Variants in CLDN14 observed in about 807,000 individuals in gnomAD.
CLDN14 encodes claudin-14.
CLDN14 carries 2 observed loss-of-function variants against 2.1 expected under a neutral mutation model. The observed-to-expected ratio is 0.96, with a 90% CI of 0.39 to 3.01. The LOEUF (loss-of-function observed/expected upper bound fraction) is 3.01. Among genes scored for constraint, CLDN14 ranks in the 30% most tolerant of loss-of-function variants. The pLI, the probability that CLDN14 is intolerant of heterozygous loss-of-function variation, is 0.09. For synonymous variants in CLDN14, 136 were observed against 154.4 expected (o/e 0.88, Z 0.88); for missense variants, 298 against 328.0 (o/e 0.91, Z 0.71).
At chr21:36,567,208 T>G (rs952314988) in intron 1 of CLDN14, among the ~76,000 whole-genome samples, 1 of 152,224 alleles carries the variant, frequency 6.6e-6, no homozygotes, top group African/African-American at 2.4e-5. Context: ...GGCATGCACA[T>G]TCACATAGAT....
intron 1 of CLDN14, among the ~76,000 whole-genome samples, chr21:36,575,784 A>G (rs960123747): frequency 3.9e-5 from 6 of 152,170 alleles, no homozygotes; most frequent in African/African-American, 1.4e-4. Context: ...GTTTCACTGA[A>G]CTACCTAGAG....
Position 36,460,672 on chromosome 21 carries a change from CCA to C in CLDN14, c.*302_*303del, listed in dbSNP as rs1269129229. The C allele has an allele frequency of 3.6e-5, 12 of 331,736 alleles. No individual in the cohort carries two copies. Among genetic ancestry groups the C allele is most frequent in the Non-Finnish European group, 6.2e-5 (11 of 176,470 alleles). 20.5% of individuals were successfully genotyped at this position (331,736 alleles called of 1,614,324 possible). A position where few individuals can be genotyped will look rare whatever the true frequency, so the allele number is the denominator to read the frequency against. On this transcript the variant is annotated 3_prime_UTR_variant, in exon 2 of 2. Transcript: ENST00000399135. The surrounding 1 kb of genome is among the most constrained non-coding windows in gnomAD (Gnocchi z 4.0). ...TTTATTCCTGGATCACAAACCAACC[CCA>C]CTGACCAAACTCCCAAGTCACTTTA...
chr21:36,535,576 G>A (rs533055733), intron 1 of CLDN14, among the ~76,000 whole-genome samples: 35 of 152,184 alleles, frequency 2.3e-4, no homozygotes, highest in African/African-American at 8.4e-4. Context: ...AAATATATAG[G>A]TATGCATACA....
At chr21:36,501,368 T>TTTTTTTTA (rs1601614064) in intron 2 of CLDN14, among the ~76,000 whole-genome samples, 5 of 117,810 alleles carry the variant, frequency 4.2e-5, no homozygotes, top group South Asian at 5.4e-4. Context: ...TTTTTTTTTT[T>TTTTTTTTA]AGAAAAGTGA....
intron 1 of CLDN14, chr21:36,477,319 A>T (rs2146443554): frequency 6.6e-6 from 1 of 152,308 alleles, no homozygotes; most frequent in East Asian, 1.9e-4. Context: ...AGGAACAGAG[A>T]CGCTCTTGCA....
intron 1 of CLDN14, among the ~76,000 whole-genome samples, chr21:36,560,186 C>T (rs893584101): frequency 4.7e-5 from 7 of 149,794 alleles, no homozygotes; most frequent in South Asian, 4.2e-4. Flanking sequence ...ACACATTTTA[C>T]GTTAGTCATT....
chr21:36,502,104 C>A (rs1414456936), intron 2 of CLDN14, among the ~76,000 whole-genome samples: 1 of 152,134 alleles, frequency 6.6e-6, no homozygotes, highest in Non-Finnish European at 1.5e-5. Context: ...GAGCCAAAAG[C>A]AGTCACAGGG....
intron 1 of CLDN14, among the ~76,000 whole-genome samples, chr21:36,539,726 T>TGGAGTGAGTATGTGTGC (rs2087468608): frequency 6.7e-6 from 1 of 149,556 alleles, no homozygotes; most frequent in Admixed American, 6.6e-5. Context: ...TTAGTGTGTG[T>TGGAGTGAGTATGTGTGC]GGAGTGAGTA....
Position 36,497,383 on chromosome 21 carries a change from GAGGGAGGAAGGA to G in CLDN14, c.-82+12968_-82+12979del, listed in dbSNP as rs2087044628. ...GGAGCGAGGGAGGGAGGGAGGGAGG[GAGGGAGGAAGGA>G]AGGGAGGGAGGGAGGGAGGAAGGGA... On this transcript the variant is annotated intron_variant, in intron 2 of 2. Coordinates refer to the CLDN14 transcript ENST00000342108. 5.4e-5 allele frequency among the ~76,000 whole-genome samples: 2 copies of G among 36,888 alleles called. 1 individual carries two copies. Among genetic ancestry groups the G allele is most frequent in the Admixed American group, 4.7e-4 (2 of 4,298 alleles). The allele number at this position is 36,888 out of a possible 152,430, so 24.2% of individuals were successfully genotyped here.
intron 1 of CLDN14, among the ~76,000 whole-genome samples, chr21:36,541,513 C>T (rs1337721360): frequency 2.0e-5 from 3 of 152,072 alleles, no homozygotes; most frequent in Admixed American, 6.6e-5. Context: ...TTTATAAAGC[C>T]GATTGTCTAA....
chr21:36,516,591 G>A (rs535356469), intron 1 of CLDN14, among the ~76,000 whole-genome samples: 27 of 152,284 alleles, frequency 1.8e-4, no homozygotes, highest in African/African-American at 6.5e-4. Flanking sequence ...TACCAACAAA[G>A]TACTACATTT....
At chr21:36,564,335 G>A (rs145403044) in intron 1 of CLDN14, among the ~76,000 whole-genome samples, 48 of 152,316 alleles carry the variant, frequency 3.2e-4, no homozygotes, top group East Asian at 2.1e-3. Flanking sequence ...ACCAGCTATC[G>A]CTAAGCCAAC....
chr21:36,517,117 G>C (rs1016552110), intron 1 of CLDN14, among the ~76,000 whole-genome samples: 8 of 152,206 alleles, frequency 5.3e-5, no homozygotes, highest in Non-Finnish European at 1.2e-4. Context: ...TGGGATTACA[G>C]GCATGAGCCA....
intron 1 of CLDN14, among the ~76,000 whole-genome samples, chr21:36,548,979 T>C (rs549633813): frequency 1.3e-5 from 2 of 152,274 alleles, no homozygotes; most frequent in African/African-American, 2.4e-5. Context: ...TTCTAGATGT[T>C]TGGTGGCCAG....
chr21:36,505,951 T>G (rs548779949), intron 2 of CLDN14, among the ~76,000 whole-genome samples: 3 of 152,334 alleles, frequency 2.0e-5, no homozygotes, highest in Admixed American at 6.5e-5. Flanking sequence ...CTTTTTTGGA[T>G]AGCCATTTGG....
chr21:36,478,571 C>T (rs568400309), intron 1 of CLDN14, among the ~76,000 whole-genome samples: 129 of 152,244 alleles, frequency 8.5e-4, no homozygotes, highest in Non-Finnish European at 1.4e-3. Flanking sequence ...CTGAGAGACA[C>T]GGGCATGAAC....
At chr21:36,504,407 C>T (rs1452256412) in intron 2 of CLDN14, among the ~76,000 whole-genome samples, 1 of 152,078 alleles carries the variant, frequency 6.6e-6, no homozygotes, top group Non-Finnish European at 1.5e-5. Context: ...ACTGTTATAC[C>T]ATTAACTTCC....
At chr21:36,541,224 GT>G (rs1447055700) in intron 1 of CLDN14, among the ~76,000 whole-genome samples, 4 of 152,194 alleles carry the variant, frequency 2.6e-5, no homozygotes, top group African/African-American at 9.7e-5. Flanking sequence ...CCGTCAGTCA[GT>G]TTATCAATCG....
At position 36,565,660 on chromosome 21, in the gene CLDN14, G is replaced by T. The variant is rs117854248; in HGVS notation, c.-220+10751C>A. ...GCTCCAGCCAACTCTGAACATCGGG[G>T]AGAGGGCTGTTTATGTGCCATGCCC... On this transcript the variant is annotated intron_variant, in intron 1 of 2. Transcript: ENST00000342108. 9.9e-3 allele frequency among the ~76,000 whole-genome samples: 1,509 copies of T among 152,328 alleles called. 12 individuals carry two copies. Among genetic ancestry groups the T allele is most frequent in the Non-Finnish European group, 0.013 (902 of 68,036 alleles).
Sources: allele counts gnomAD v4.1 joint callset (sites outside exome capture counted in the v4.1 genomes callset), GRCh38; gene constraint gnomAD v4.1.1; non-coding constraint Gnocchi (gnomAD v3.1); transcripts MANE v1.5; gene names NCBI Gene and HGNC (gene_info 2026-07-23, HGNC 2026-07-21).